ZNF83: variants seen among roughly 807,000 people sequenced by gnomAD.
ZNF83 encodes the protein zinc finger protein 83.
For missense variants in ZNF83, 552 were observed against 629.9 expected (o/e 0.88, Z 1.32); for synonymous variants, 209 against 213.0 (o/e 0.98, Z 0.17).
chr19:52,630,843 C>T (rs1365653194), intron 2 of ZNF83, among the ~76,000 whole-genome samples: 1 of 152,048 alleles, frequency 6.6e-6, no homozygotes, highest in Non-Finnish European at 1.5e-5. Context: ...AGCCTATAAA[C>T]TCTCCTTACA....
chr19:52,687,472 ATATC>A (rs1346714475), intron 1 of ZNF83, among the ~76,000 whole-genome samples: 1 of 66,258 alleles, frequency 1.5e-5, no homozygotes, highest in Non-Finnish European at 2.8e-5. Context: ...TATAATTTAT[ATATC>A]TATATAAATT....
At chr19:52,683,095 C>G (rs1037014263) in intron 1 of ZNF83, among the ~76,000 whole-genome samples, 1 of 152,090 alleles carries the variant, frequency 6.6e-6, no homozygotes, top group Non-Finnish European at 1.5e-5. Context: ...CTCTCAAACT[C>G]CTGACTTCAA....
At chr19:52,630,190 T>C (rs920486350) in intron 2 of ZNF83, among the ~76,000 whole-genome samples, 9 of 152,286 alleles carry the variant, frequency 5.9e-5, no homozygotes, top group African/African-American at 1.7e-4. Flanking sequence ...CCTGGAACGC[T>C]GGCCCATGGC....
At chr19:52,636,224 A>C (rs1356815529) in intron 1 of ZNF83, 1 of 152,094 alleles carries the variant, frequency 6.6e-6, no homozygotes, top group African/African-American at 2.4e-5. Context: ...CTGACGTAGG[A>C]GGATTACTTG....
At chr19:52,665,092 C>T (rs951358149) in intron 1 of ZNF83, among the ~76,000 whole-genome samples, 5 of 152,192 alleles carry the variant, frequency 3.3e-5, no homozygotes, top group African/African-American at 7.2e-5. Flanking sequence ...TTTATGCTGA[C>T]GGCCCACAGA....
At position 52,666,278 on chromosome 19, in the gene ZNF83, G is replaced by A. The variant is rs567693738; in HGVS notation, c.-282-5435C>T. Among the ~76,000 whole-genome samples, 4 of 152,032 alleles carry A rather than the reference G, an allele frequency of 2.6e-5. No individual in the cohort carries two copies. The South Asian group carries it at 8.3e-4, about 32-fold the overall frequency. ...AAGAGACAGAGAGTCAGAAAAGAGAGAGAGAGAGTAGTAGTAGAGAGAAAA... is the reference window on the plus strand; with the variant it reads ...AAGAGACAGAGAGTCAGAAAAGAGAAAGAGAGAGTAGTAGTAGAGAGAAAA... On this transcript the variant is annotated intron_variant, in intron 1 of 5. Transcript: ENST00000594682.
chr19:52,674,961 T>C (rs2147324949), intron 1 of ZNF83, among the ~76,000 whole-genome samples: 1 of 152,288 alleles, frequency 6.6e-6, no homozygotes, highest in Admixed American at 6.5e-5. Flanking sequence ...CATCAAGTGA[T>C]CTACCCACCT....
chr19:52,669,125 G>C (rs913674988), intron 1 of ZNF83, among the ~76,000 whole-genome samples: 2 of 152,148 alleles, frequency 1.3e-5, no homozygotes, highest in Non-Finnish European at 2.9e-5. Context: ...ACCTTTACTG[G>C]ACACTTTACT....
Position 52,656,864 on chromosome 19 carries a change from C to CAAAAAA in ZNF83, c.-200-1183_-200-1178dup, listed in dbSNP as rs112522632. Among the ~76,000 whole-genome samples the CAAAAAA allele has an allele frequency of 1.3e-4, 18 of 136,622 alleles. 1 individual carries two copies. The highest frequency in any genetic ancestry group is 2.6e-4 in the South Asian group (1 of 3,892). 89.6% of individuals were successfully genotyped at this position (136,622 alleles called of 152,430 possible). A position where few individuals can be genotyped will look rare whatever the true frequency, so the allele number is the denominator to read the frequency against. ...CTATCGACAGAGCGAGACTCCGTCT[C>CAAAAAA]AAAAAAAAAAAAAAAAAAAAAATCA... is the stretch of plus-strand genomic sequence containing the variant. On this transcript the variant is annotated intron_variant, in intron 2 of 5. Transcript: ENST00000594682.
chr19:52,684,751 G>A (rs1249733536), intron 1 of ZNF83, among the ~76,000 whole-genome samples: 3 of 152,098 alleles, frequency 2.0e-5, no homozygotes, highest in Non-Finnish European at 4.4e-5. Context: ...CATAGGGTAA[G>A]AGCAGGGACA....
At chr19:52,687,622 A>ATC in intron 1 of ZNF83, among the ~76,000 whole-genome samples, 1 of 23,862 alleles carries the variant, frequency 4.2e-5, no homozygotes, top group Non-Finnish European at 7.3e-5. Context: ...ATGTGTATAT[A>ATC]TATATATAAT....
intron 1 of ZNF83, 161 bp from the exon 2 acceptor site, chr19:52,635,314 C>T (rs2061110247): frequency 4.9e-6 from 2 of 405,338 alleles, no homozygotes; most frequent in Admixed American, 4.0e-5. Context: ...CTCCCGCACC[C>T]TTCTGGAGAA....
At chr19:52,683,140 C>T (rs145128933) in intron 1 of ZNF83, among the ~76,000 whole-genome samples, 96 of 152,162 alleles carry the variant, frequency 6.3e-4, no homozygotes, top group African/African-American at 2.1e-3. Context: ...AAAGTGCTGG[C>T]ATTACAGGGG....
intron 2 of ZNF83, among the ~76,000 whole-genome samples, chr19:52,657,144 T>C (rs865902107): frequency 6.6e-6 from 1 of 151,002 alleles, no homozygotes; most frequent in Non-Finnish European, 1.5e-5. Context: ...TGGAAGCTCA[T>C]TGAATTAAGA....
upstream of ZNF83, among the ~76,000 whole-genome samples, chr19:52,639,152 G>T (rs2061249546): frequency 6.6e-6 from 1 of 152,084 alleles, no homozygotes; most frequent in African/African-American, 2.4e-5. Context: ...GACCAGGCTG[G>T]AGTGCAATGG....
chr19:52,642,157 C>T (rs904347381), upstream of ZNF83, among the ~76,000 whole-genome samples: 27 of 152,068 alleles, frequency 1.8e-4, no homozygotes, highest in African/African-American at 5.8e-4. Context: ...CTGTCCCACA[C>T]CTGTGCAGAT....
At position 52,613,407 on chromosome 19, in the gene ZNF83, T is replaced by C. The variant is rs754665919; in HGVS notation, c.1158A>G (p.Ser386=). The C allele has an allele frequency of 2.5e-6, 4 of 1,613,774 alleles. No homozygotes were observed. In the South Asian group the frequency reaches 3.3e-5, roughly 13 times the overall value. ...GGATTCTGTGATGTTGTACAAGATG[T>C]GAATTTTGACTGAATGCTTTGTCAC... Residue 386 remains serine (S), a synonymous_variant, in exon 3 of 3, where the codon TCA becomes TCG. Coordinates refer to ENST00000301096, the Ensembl canonical transcript of ZNF83.
intron 1 of ZNF83, among the ~76,000 whole-genome samples, chr19:52,666,310 A>C (rs1347387737): frequency 6.6e-6 from 1 of 152,052 alleles, no homozygotes; most frequent in Admixed American, 6.6e-5. Context: ...AAAACAGTAT[A>C]CCCTATTCCT....
At chr19:52,677,145 A>G (rs1440774545) in intron 1 of ZNF83, among the ~76,000 whole-genome samples, 1 of 147,782 alleles carries the variant, frequency 6.8e-6, no homozygotes, top group East Asian at 2.0e-4. Context: ...AGAAAAAAAG[A>G]AAAAAAAATA....
Sources: gnomAD v4.1 joint callset for allele counts (sites outside exome capture counted in the v4.1 genomes callset) on GRCh38, gnomAD v4.1.1 for gene constraint, MANE v1.5 for transcripts, NCBI Gene and HGNC (gene_info 2026-07-23, HGNC 2026-07-21) for gene names.